GPC5: variants seen among roughly 807,000 people sequenced by gnomAD.
GPC5 encodes the protein glypican-5.
A neutral mutation model predicts 53.9 loss-of-function variants in GPC5; 47 were observed. The observed-to-expected ratio is 0.87, with a 90% CI of 0.69 to 1.11. The LOEUF (loss-of-function observed/expected upper bound fraction) is 1.11. Among genes scored for constraint, GPC5 ranks in the 50% most tolerant of loss-of-function variants. GPC5 has a pLI of 0.00. For missense variants in GPC5, 748 were observed against 713.1 expected (o/e 1.05, Z -0.56); for synonymous variants, 286 against 263.3 (o/e 1.09, Z -0.84).
intron 7 of GPC5, among the ~76,000 whole-genome samples, chr13:92,205,038 C>T (rs1477147410): frequency 1.3e-5 from 2 of 152,056 alleles, no homozygotes; most frequent in Admixed American, 6.6e-5. Context: ...GCCACCACAC[C>T]TGGCTATTTT....
chr13:91,979,519 A>C (rs1231222710), intron 6 of GPC5, among the ~76,000 whole-genome samples: 2 of 152,220 alleles, frequency 1.3e-5, no homozygotes, highest in African/African-American at 2.4e-5. Context: ...CCTTTGATTC[A>C]ATTCCACAAC....
intron 2 of GPC5, among the ~76,000 whole-genome samples, chr13:91,593,710 G>C (rs1180252201): frequency 6.6e-6 from 1 of 152,042 alleles, no homozygotes; most frequent in Non-Finnish European, 1.5e-5. Context: ...TCTATTCCAT[G>C]ATCTCAACAA....
chr13:92,288,085 T>C (rs568650653), intron 7 of GPC5, among the ~76,000 whole-genome samples: 1 of 152,122 alleles, frequency 6.6e-6, no homozygotes, highest in African/African-American at 2.4e-5. Context: ...TCTATTTAAA[T>C]CTCTCTTCAT....
chr13:92,620,427 A>C (rs1884833471), intron 7 of GPC5, among the ~76,000 whole-genome samples: 1 of 152,190 alleles, frequency 6.6e-6, no homozygotes, highest in Admixed American at 6.5e-5. Flanking sequence ...TTCTCCAGGA[A>C]GGAGACCTTC....
At chr13:91,930,155 A>G (rs1373139455) in intron 6 of GPC5, among the ~76,000 whole-genome samples, 1 of 152,114 alleles carries the variant, frequency 6.6e-6, no homozygotes, top group East Asian at 1.9e-4. Flanking sequence ...AGGCCTTTCT[A>G]AATGGATAGA....
At chr13:91,434,360 T>A (rs960252894) in intron 1 of GPC5, among the ~76,000 whole-genome samples, 1 of 152,102 alleles carries the variant, frequency 6.6e-6, no homozygotes, top group African/African-American at 2.4e-5. Flanking sequence ...CTTTAATCCA[T>A]CTTGAATTAA....
intron 7 of GPC5, among the ~76,000 whole-genome samples, chr13:92,427,551 T>C (rs1876890263): frequency 6.6e-6 from 1 of 151,938 alleles, no homozygotes; most frequent in African/African-American, 2.4e-5. Context: ...TTGCTTCTGA[T>C]AGTAATTGTA....
chr13:92,607,075 G>A (rs1884282074), intron 7 of GPC5, among the ~76,000 whole-genome samples: 1 of 152,072 alleles, frequency 6.6e-6, no homozygotes. Context: ...TAGATTTGAT[G>A]TTCTGAAACT....
intron 7 of GPC5, among the ~76,000 whole-genome samples, chr13:92,467,787 A>T (rs370707098): frequency 1.6e-3 from 245 of 152,188 alleles, no homozygotes; most frequent in African/African-American, 5.7e-3. Flanking sequence ...TGAACTTTAA[A>T]TTCCCTCCCC....
chr13:92,530,578 A>T (rs1881527318), intron 7 of GPC5, among the ~76,000 whole-genome samples: 1 of 152,198 alleles, frequency 6.6e-6, no homozygotes, highest in South Asian at 2.1e-4. Context: ...AAGTACACAG[A>T]AGCCTGGGAA....
chr13:91,998,719 T>C (rs1414093899), intron 6 of GPC5, among the ~76,000 whole-genome samples: 1 of 152,230 alleles, frequency 6.6e-6, no homozygotes, highest in Non-Finnish European at 1.5e-5. Flanking sequence ...TGTTATTTTC[T>C]TGTTACAGCA....
At chr13:92,571,720 A>G (rs1376604871) in intron 7 of GPC5, among the ~76,000 whole-genome samples, 4 of 152,148 alleles carry the variant, frequency 2.6e-5, no homozygotes, top group Non-Finnish European at 4.4e-5. Context: ...AAATATGGCA[A>G]ACTCATTTGG....
chr13:91,943,289 A>G (rs1442118413), intron 6 of GPC5, among the ~76,000 whole-genome samples: 2 of 152,122 alleles, frequency 1.3e-5, no homozygotes, highest in Non-Finnish European at 2.9e-5. Flanking sequence ...TGAGTGTTAT[A>G]TCATGTAGTG....
intron 2 of GPC5, among the ~76,000 whole-genome samples, chr13:91,573,109 C>A (rs1414314862): frequency 6.6e-6 from 1 of 152,086 alleles, no homozygotes; most frequent in Non-Finnish European, 1.5e-5. Flanking sequence ...TGCTGGCAAG[C>A]CAGGTTGCTG....
intron 7 of GPC5, among the ~76,000 whole-genome samples, chr13:92,189,955 C>A (rs895085944): frequency 6.6e-6 from 1 of 152,104 alleles, no homozygotes. Flanking sequence ...TAATGACTGA[C>A]AATTTTCCCA....
intron 7 of GPC5, among the ~76,000 whole-genome samples, chr13:92,607,809 A>T (rs1884303954): frequency 6.6e-6 from 1 of 152,148 alleles, no homozygotes; most frequent in African/African-American, 2.4e-5. Flanking sequence ...ACCAATTATC[A>T]AGACTTCAGT....
chr13:92,714,907 A>T (rs1594447523), intron 7 of GPC5, among the ~76,000 whole-genome samples: 2 of 152,114 alleles, frequency 1.3e-5, no homozygotes, highest in Non-Finnish European at 2.9e-5. Flanking sequence ...CTCTATTAAA[A>T]ATACAAAAAT....
chr13:91,922,039 G>A (rs1423096527), intron 6 of GPC5, among the ~76,000 whole-genome samples: 1 of 152,058 alleles, frequency 6.6e-6, no homozygotes, highest in East Asian at 1.9e-4. Flanking sequence ...AGGAAAGTAG[G>A]GAGTTGGTGG....
chr13:92,449,365 G>A (rs1206180094), intron 7 of GPC5, among the ~76,000 whole-genome samples: 1 of 152,092 alleles, frequency 6.6e-6, no homozygotes, highest in Non-Finnish European at 1.5e-5. Flanking sequence ...AGCCTCTCAT[G>A]TCATCGAGTC....
Sources: allele counts gnomAD v4.1 joint callset (sites outside exome capture counted in the v4.1 genomes callset), GRCh38; gene constraint gnomAD v4.1.1; transcripts MANE v1.5; gene names NCBI Gene and HGNC (gene_info 2026-07-23, HGNC 2026-07-21).